SDK2: variants seen among roughly 807,000 people sequenced by gnomAD.
The protein encoded by SDK2 is protein sidekick-2.
Under a neutral mutation model 253.9 loss-of-function variants are expected in SDK2, and 105 were observed. The observed-to-expected ratio is 0.41, with a 90% CI of 0.35 to 0.49. The LOEUF is 0.49. Among genes scored for constraint, SDK2 ranks in the 20% least tolerant of loss-of-function variants. The pLI is 0.06. For missense variants in SDK2, 2,608 were observed against 3,003.0 expected (o/e 0.87, Z 3.07); for synonymous variants, 1,249 against 1,234.9 (o/e 1.01, Z -0.24).
chr17:73,396,951 T>C (rs2062975956), intron 24 of SDK2, among the ~76,000 whole-genome samples: 1 of 152,238 alleles, frequency 6.6e-6, no homozygotes, highest in African/African-American at 2.4e-5. Flanking sequence ...ATAACTCATA[T>C]TTATCGAGGA....
chr17:73,545,573 C>T (rs1201131117), intron 1 of SDK2, among the ~76,000 whole-genome samples: 3 of 152,194 alleles, frequency 2.0e-5, no homozygotes, highest in Non-Finnish European at 4.4e-5. Flanking sequence ...AGAGGAGTCC[C>T]CATCCCCACC....
chr17:73,521,063 C>G (rs904389429), intron 1 of SDK2: 2 of 139,920 alleles, frequency 1.4e-5, no homozygotes, highest in African/African-American at 5.4e-5. Context: ...TTTTTTGAGA[C>G]CGGGTCTCGC....
chr17:73,350,064 C>T (rs1454274857), intron 43 of SDK2, among the ~76,000 whole-genome samples, 173 bp downstream of exon 43: 1 of 152,190 alleles, frequency 6.6e-6, no homozygotes, highest in Non-Finnish European at 1.5e-5. Flanking sequence ...AGTTGTCCTG[C>T]TTGGGCCCCA....
At chr17:73,378,819 G>A (rs2062806010) in intron 36 of SDK2, among the ~76,000 whole-genome samples, 1 of 152,116 alleles carries the variant, frequency 6.6e-6, no homozygotes, top group African/African-American at 2.4e-5. Context: ...GGGGCCAAAA[G>A]CCCCTTGGAG....
chr17:73,546,827 C>T (rs1206012373), intron 1 of SDK2, among the ~76,000 whole-genome samples: 1 of 152,184 alleles, frequency 6.6e-6, no homozygotes, highest in African/African-American at 2.4e-5. Context: ...TTCAAATGCC[C>T]AACCACTCAA....
At chr17:73,601,316 G>A (rs1182940989) in intron 1 of SDK2, among the ~76,000 whole-genome samples, 5 of 152,006 alleles carry the variant, frequency 3.3e-5, no homozygotes. Flanking sequence ...CACCGCGCCT[G>A]GCCTTACGAA....
chr17:73,479,125 G>C lies in SDK2; in HGVS notation c.225-6907C>G, dbSNP rs564716490. Among the ~76,000 whole-genome samples, 108 of 152,392 alleles carry C rather than the reference G, an allele frequency of 7.1e-4. 3 individuals carry two copies. Among genetic ancestry groups the C allele is most frequent in the Middle Eastern group, 6.8e-3 (2 of 294 alleles). On this transcript the variant is annotated intron_variant, in intron 2 of 44. Coordinates refer to ENST00000392650, the MANE Select transcript of SDK2 (RefSeq NM_001144952.2). ...CCTCTCCTCAAGTGAACTGTGCTCA[G>C]GTAGAGAAGGCAGGTGGGTCATCAT...
intron 2 of SDK2, 77 bp downstream of exon 2, chr17:73,507,361 C>G: frequency 1.4e-6 from 2 of 1,435,280 alleles, no homozygotes; most frequent in Non-Finnish European, 1.9e-6. Context: ...CACACAAACC[C>G]CCTCCTCACC....
At chr17:73,622,014 A>G (rs541852567) in intron 1 of SDK2, among the ~76,000 whole-genome samples, 2 of 152,358 alleles carry the variant, frequency 1.3e-5, no homozygotes, top group South Asian at 2.1e-4. Flanking sequence ...GGACAAGAGG[A>G]TATTACATCC....
intron 2 of SDK2, among the ~76,000 whole-genome samples, chr17:73,495,656 A>ATGTGTGTGTG (rs369167527): frequency 7.5e-6 from 1 of 133,020 alleles, no homozygotes; most frequent in Non-Finnish European, 1.6e-5. Context: ...TTGTTTGTGT[A>ATGTGTGTGTG]TGTGTGTGTG....
At chr17:73,358,017 G>C (rs750226379) in intron 40 of SDK2, 62 bp downstream of exon 40, 3 of 1,607,944 alleles carry the variant, frequency 1.9e-6, no homozygotes, top group South Asian at 2.2e-5. Context: ...CCCAAGTGGA[G>C]GGACCCAGGA....
chr17:73,339,442 G>T (rs528606091), intron 44 of SDK2, among the ~76,000 whole-genome samples: 1 of 152,018 alleles, frequency 6.6e-6, no homozygotes, highest in African/African-American at 2.4e-5. Context: ...GGCTGGTCTT[G>T]AACTCCTGAC....
At chr17:73,423,658 A>G (rs767577863) in intron 13 of SDK2, 136 bp from the exon 14 acceptor site, 4 of 1,096,936 alleles carry the variant, frequency 3.6e-6, no homozygotes, top group Non-Finnish European at 4.9e-6. Context: ...CCTTCGGGCC[A>G]TCTACCTGGA....
intron 1 of SDK2, among the ~76,000 whole-genome samples, chr17:73,619,642 G>GA (rs1265618177): frequency 6.6e-6 from 1 of 152,012 alleles, no homozygotes; most frequent in African/African-American, 2.4e-5. Context: ...ACTCTTAGAA[G>GA]AAAACATGGG....
intron 4 of SDK2, among the ~76,000 whole-genome samples, chr17:73,449,477 C>T (rs1470418150): frequency 1.3e-4 from 20 of 152,068 alleles, no homozygotes; most frequent in Admixed American, 1.3e-3. Flanking sequence ...TGGTTTTCGC[C>T]CCACTCTCTC....
At chr17:73,547,434 C>T (rs1487983850) in intron 1 of SDK2, among the ~76,000 whole-genome samples, 1 of 152,222 alleles carries the variant, frequency 6.6e-6, no homozygotes, top group Non-Finnish European at 1.5e-5. Context: ...AACCACTGTG[C>T]CCAGGGACAG....
intron 30 of SDK2, among the ~76,000 whole-genome samples, chr17:73,387,329 A>G (rs1324354822): frequency 6.6e-6 from 1 of 152,160 alleles, no homozygotes; most frequent in Non-Finnish European, 1.5e-5. Context: ...CTTCATCTCT[A>G]TAAGCCTTAT....
In SDK2 at chr17:73,385,835, G is replaced by T. The variant is rs765046855; in HGVS notation, c.4569+12C>A. 2 of 1,598,650 alleles carry T rather than the reference G, an allele frequency of 1.3e-6. No individual in the cohort carries two copies. Among genetic ancestry groups the T allele is most frequent in the East Asian group, 2.3e-5 (1 of 44,350 alleles). On this transcript the variant is annotated intron_variant, in intron 32 of 44. Transcript: ENST00000392650. ...GGGTCTTCACGGAGGTTTCCTGCCC[G>T]CTGGGCCATACCTGCCATCGGATTA...
chr17:73,516,195 C>T (rs2064025305), intron 1 of SDK2, among the ~76,000 whole-genome samples: 1 of 152,208 alleles, frequency 6.6e-6, no homozygotes, highest in South Asian at 2.1e-4. Context: ...TGAGCAGGGT[C>T]AGGACTGGTA....
Sources: allele counts gnomAD v4.1 joint callset (sites outside exome capture counted in the v4.1 genomes callset), GRCh38; gene constraint gnomAD v4.1.1; transcripts MANE v1.5; gene names NCBI Gene and HGNC (gene_info 2026-07-23, HGNC 2026-07-21).